FRS3: variants seen among roughly 807,000 people sequenced by gnomAD.
FRS3 encodes the protein fibroblast growth factor receptor substrate 3, also known as FGFR substrate 3.
In FRS3, 17 loss-of-function variants were observed where a neutral mutation model predicts 41.9. The observed-to-expected ratio is 0.41, with a 90% confidence interval of 0.28 to 0.61. The LOEUF is 0.61. Among genes scored for constraint, FRS3 ranks in the 20% least tolerant of loss-of-function variants. The pLI is 0.36. For synonymous variants in FRS3, 287 were observed against 274.5 expected (o/e 1.05, Z -0.45); for missense variants, 619 against 672.1 (o/e 0.92, Z 0.87).
chr6:41,776,321 G>A (rs1038499212), intron 3 of FRS3: 13 of 152,572 alleles, frequency 8.5e-5, no homozygotes, highest in Admixed American at 7.2e-4. Flanking sequence ...AAGTGCAGCG[G>A]TGCAATCTCA....
At chr6:41,776,212 C>G (rs1414211319) in intron 3 of FRS3, among the ~76,000 whole-genome samples, 1 of 152,208 alleles carries the variant, frequency 6.6e-6, no homozygotes, top group African/African-American at 2.4e-5. Flanking sequence ...CCACAGCAAA[C>G]AGCAAACACT....
chr6:41,776,917 G>T lies in FRS3; in HGVS notation c.66+5C>A. 6.2e-7 allele frequency: 1 copy of T among 1,612,284 alleles called. No homozygotes were observed. The highest frequency in any genetic ancestry group is 8.5e-7 in the Non-Finnish European group (1 of 1,178,320). On this transcript the variant is annotated splice_donor_5th_base_variant and intron_variant, in intron 3 of 6. Coordinates refer to ENST00000373018, the MANE Select transcript of FRS3 (RefSeq NM_006653.5). ...GAACACAGGAGAGGAGAGGGCTCTG[G>T]GTACCTTGAACTTGGTGGGGTGGTT...
chr6:41,771,644 C>T (rs376501078), intron 6 of FRS3, 111 bp from the exon 7 acceptor site: 14 of 1,170,964 alleles, frequency 1.2e-5, no homozygotes, highest in Non-Finnish European at 1.6e-5. Flanking sequence ...GGAGTTTCTT[C>T]TTCCTTGTCC....
At position 41,770,421 on chromosome 6, in the gene FRS3, C is replaced by T. The variant is rs192318400; in HGVS notation, c.*198G>A. 0.014 allele frequency: 8,356 copies of T among 610,062 alleles called. 69 individuals are homozygous for T. The highest frequency in any genetic ancestry group is 0.019 in the Non-Finnish European group (6,487 of 344,940). The allele number at this position is 610,062 out of a possible 1,614,324, so 37.8% of individuals were successfully genotyped here. On this transcript the variant is annotated 3_prime_UTR_variant, in exon 7 of 7. Transcript: ENST00000373018. ...CTCCTCGCCTGGTCACCCTTCTCTC[C>T]CCAGCCTGGAGACAGACCAGGAGAC...
intron 5 of FRS3, 31 bp downstream of exon 5, chr6:41,772,767 T>TGTGTGTGTGC (rs1280713446): frequency 8.9e-6 from 14 of 1,566,746 alleles, no homozygotes; most frequent in Admixed American, 3.4e-5. Context: ...TGTGTGTGTG[T>TGTGTGTGTGC]GTGTGTGTGT....
Position 41,770,764 on chromosome 6 carries a change from G to C in FRS3, c.1334C>G (p.Thr445Ser). The change falls in exon 7 of 7, where the codon ACC (threonine) becomes AGC (serine). Residue 445 changes from threonine to serine, a missense_variant. Thr to Ser is a moderately conservative substitution (Grantham distance 58). Transcript: ENST00000373018. ...GTCTGAGCTTCGGGCAGGGTGGGTG[G>C]TGGGCATGGGGGCTTGGGGGCTCGA... ...NPSSPQAPMP[T>S]THPARSSDSY... The C allele has an allele frequency of 6.2e-7, 1 of 1,613,504 alleles. No homozygotes were observed. Among genetic ancestry groups the C allele is most frequent in the Non-Finnish European group, 8.5e-7 (1 of 1,179,916 alleles).
chr6:41,772,745 C>CGGGTGTGT, intron 5 of FRS3, 53 bp downstream of exon 5: 2 of 1,162,764 alleles, frequency 1.7e-6, no homozygotes, highest in Non-Finnish European at 2.4e-6. Context: ...GCTTCCTGGG[C>CGGGTGTGT]GTGTGTGTGT....
chr6:41,775,532 A>G lies in FRS3; in HGVS notation c.140T>C (p.Leu47Pro). ...VMELTQSELV[L>P]HLHRREAVRW... ...GACGGCCTCACGCCGATGCAGGTGC[A>G]GCACCAGCTCACTCTGCGTCAGCTC... The change falls in exon 4 of 7, where the codon CTG (leucine) becomes CCG (proline). Residue 47 changes from leucine to proline, a missense_variant. Leu to Pro is a moderately conservative substitution (Grantham distance 98, BLOSUM62 -3). Transcript: ENST00000373018. 1 of 1,613,992 alleles carries G rather than the reference A, an allele frequency of 6.2e-7. No homozygotes were observed. The highest frequency in any genetic ancestry group is 8.5e-7 in the Non-Finnish European group (1 of 1,179,882).
chr6:41,773,417 C>G (rs956037475), intron 4 of FRS3, among the ~76,000 whole-genome samples: 2 of 151,718 alleles, frequency 1.3e-5, no homozygotes, highest in Non-Finnish European at 2.9e-5. Context: ...AGCATTCTTT[C>G]TAGGTCTGCT....
intron 4 of FRS3, among the ~76,000 whole-genome samples, chr6:41,773,797 C>T (rs1772356091): frequency 6.7e-6 from 1 of 149,788 alleles, no homozygotes; most frequent in Non-Finnish European, 1.5e-5. Flanking sequence ...GCTTGAACCT[C>T]GGAGGTGGAG....
In FRS3 at chr6:41,771,250, G is replaced by C. The variant is rs757494977; in HGVS notation, c.848C>G (p.Pro283Arg). ...GGTGACGTTCTCGTAGGTGCACTTG[G>C]GCTGGGCTGGACACTCAGAAGGGGC... ...NEAPSECPAQ[P>R]KCTYENVTGG... Residue 283 changes from proline (P) to arginine (R), a missense_variant, in exon 7 of 7, where the codon CCC (proline) becomes CGC (arginine). Physicochemically the swap from Pro to Arg is moderately radical, Grantham distance 103. Around this residue, in one of 3 missense-constraint regions of FRS3, gnomAD observed 487 missense variants for 478.3 expected, o/e 1.02. Transcript: ENST00000373018. 3.7e-6 allele frequency: 6 copies of C among 1,602,216 alleles called. No homozygotes were observed. The African/African-American group carries it at 8.0e-5, about 21-fold the overall frequency.
intron 5 of FRS3, 76 bp from the exon 6 acceptor site, chr6:41,772,040 A>C: frequency 8.1e-7 from 1 of 1,230,154 alleles, no homozygotes; most frequent in East Asian, 2.6e-5. Context: ...TGTGTGTGGC[A>C]TCCTGGGACT....
At position 41,771,480 on chromosome 6, in the gene FRS3, G is replaced by A. The variant is rs778553223; in HGVS notation, c.618C>T (p.Arg206=). The part of the protein sequence containing the change: ...PASEDDHRRG[R]HCLQPLPEGQ... ...CCTCAGGCAGGGGCTGCAGGCAGTG[G>A]CGGCCCCTGCGGTGGTCATCTTCAC... is the stretch of plus-strand genomic sequence containing the variant. Residue 206 remains arginine, a synonymous_variant, in exon 7 of 7, where the codon CGC becomes CGT. Transcript: ENST00000373018. 6.3e-7 allele frequency: 1 copy of A among 1,581,580 alleles called. No individual in the cohort carries two copies. The highest frequency in any genetic ancestry group is 8.6e-7 in the Non-Finnish European group (1 of 1,164,354).
chr6:41,776,833 T>C, intron 3 of FRS3, 89 bp downstream of exon 3: 1 of 1,049,994 alleles, frequency 9.5e-7, no homozygotes, highest in South Asian at 1.3e-5. Flanking sequence ...TTTGATTTGC[T>C]GTTAGAGAAG....
rs1772337735 is a variant in FRS3, at chr6:41,773,048, A to G, written c.254-89T>C. 1.9e-5 allele frequency: 20 copies of G among 1,060,930 alleles called. No homozygotes were observed. In the South Asian group the frequency reaches 2.7e-4, roughly 14 times the overall value. 65.7% of individuals were successfully genotyped at this position (1,060,930 alleles called of 1,614,324 possible). ...GCACAATGTGCAGGAAATGTCCCTC[A>G]ACTCCAGTCCCAGGCCTGTAGGGGC... On this transcript the variant is annotated intron_variant, in intron 4 of 6. Coordinates refer to ENST00000373018, the MANE Select transcript of FRS3 (RefSeq NM_006653.5).
chr6:41,778,206 C>A (rs1167657653), intron 1 of FRS3, 30 bp from the exon 2 acceptor site: 2 of 152,450 alleles, frequency 1.3e-5, no homozygotes, highest in Admixed American at 1.3e-4. Flanking sequence ...CACTGATTAA[C>A]AAAACCTTCT....
Position 41,770,635 on chromosome 6 carries a change from G to C in FRS3, c.1463C>G (p.Thr488Ser), listed in dbSNP as rs991342352. 1 of 1,614,226 alleles carries C rather than the reference G, an allele frequency of 6.2e-7. No homozygotes were observed. Among genetic ancestry groups the C allele is most frequent in the Non-Finnish European group, 8.5e-7 (1 of 1,180,046 alleles). The change falls in exon 7 of 7, where the codon ACC becomes AGC. Residue 488 changes from threonine to serine, a missense_variant. This residue lies in a region of FRS3 where 32 missense variants were observed against 55.6 expected (regional missense o/e 0.58). Coordinates refer to ENST00000373018, the MANE Select transcript of FRS3 (RefSeq NM_006653.5). ...GGGAAGTCCCTACAGAGGCAGGTCG[G>C]TGCTGTTGTGCCGGGTTTTCCTGGC... is the stretch of plus-strand genomic sequence containing the variant. ...GTARKTRHNS[T>S]DLPL
Position 41,771,526 on chromosome 6 carries a change from G to A in FRS3, c.572C>T (p.Thr191Ile), listed in dbSNP as rs773366143. Residue 191 changes from threonine (T) to isoleucine (I), a missense_variant, in exon 7 of 7, where the codon ACC becomes ATC. By Grantham distance (89) the Thr-to-Ile change is moderately conservative. This residue lies in a region of FRS3 where 487 missense variants were observed against 478.3 expected (regional missense o/e 1.02). Coordinates refer to ENST00000373018, the MANE Select transcript of FRS3 (RefSeq NM_006653.5). ...ALIAPDEQSH[T>I]YVNTPASEDD... ...TTCACTGGCCGGTGTGTTGACATAGGTGTGGGACTGGGGAAAGAGTCCAAG... is the reference window on the plus strand; with the variant it reads ...TTCACTGGCCGGTGTGTTGACATAGATGTGGGACTGGGGAAAGAGTCCAAG... 6 of 1,531,508 alleles carry A rather than the reference G, an allele frequency of 3.9e-6. No homozygotes were observed. The highest frequency in any genetic ancestry group is 2.7e-5 in the African/African-American group (2 of 72,750). The allele number at this position is 1,531,508 out of a possible 1,614,324, so 94.9% of individuals were successfully genotyped here. A position where few individuals can be genotyped will look rare whatever the true frequency, so the allele number is the denominator to read the frequency against.
chr6:41,775,857 A>G (rs1034117174), intron 3 of FRS3, among the ~76,000 whole-genome samples: 1 of 152,262 alleles, frequency 6.6e-6, no homozygotes, highest in African/African-American at 2.4e-5. Context: ...AGAGGTAGGT[A>G]GCTGACTTCC....
Sources: gnomAD v4.1 joint callset for allele counts (sites outside exome capture counted in the v4.1 genomes callset) on GRCh38, gnomAD v4.1.1 for gene constraint, gnomAD v4.1.1 regional missense constraint, MANE v1.5 for transcripts, NCBI Gene and HGNC (gene_info 2026-07-23, HGNC 2026-07-21) for gene names.